The following SAMMSON variants were observed in gnomAD, a reference collection of about 807,000 sequenced individuals.
The protein encoded by SAMMSON is survival associated mitochondrial melanoma specific oncogenic non-coding RNA, also known as long intergenic non-protein coding RNA 1212.
intron 3 of SAMMSON, among the ~76,000 whole-genome samples, chr3:70,044,116 T>C (rs889630442): frequency 3.3e-5 from 5 of 151,982 alleles, no homozygotes; most frequent in African/African-American, 1.2e-4. Flanking sequence ...TTTTTTTAAA[T>C]GTGTTTTTTG....
intron 3 of SAMMSON, among the ~76,000 whole-genome samples, chr3:70,022,727 G>C (rs1411721776): frequency 1.3e-5 from 2 of 152,112 alleles, no homozygotes; most frequent in Non-Finnish European, 2.9e-5. Flanking sequence ...ATAATTCACT[G>C]ATTCTCATCA....
chr3:70,314,965 C>T (rs1702485372), intron 7 of SAMMSON, among the ~76,000 whole-genome samples: 2 of 152,062 alleles, frequency 1.3e-5, no homozygotes, highest in Admixed American at 1.3e-4. Context: ...TGCTTAAATC[C>T]TTGTCTGAAT....
intron 4 of SAMMSON, among the ~76,000 whole-genome samples, chr3:70,188,835 G>T (rs935893709): frequency 6.6e-6 from 1 of 152,172 alleles, no homozygotes; most frequent in Non-Finnish European, 1.5e-5. Context: ...CATTTGACTG[G>T]TAAATGGTGG....
At chr3:70,387,264 T>C (rs569908090) in intron 9 of SAMMSON, among the ~76,000 whole-genome samples, 18 of 152,164 alleles carry the variant, frequency 1.2e-4, no homozygotes, top group Non-Finnish European at 2.1e-4. Flanking sequence ...GCATACCATA[T>C]ATGGAAACCC....
chr3:70,189,965 T>C (rs1701119251), intron 4 of SAMMSON, among the ~76,000 whole-genome samples: 1 of 152,162 alleles, frequency 6.6e-6, no homozygotes. Context: ...AAGAATTGGA[T>C]TTGTTCCCCT....
intron 4 of SAMMSON, among the ~76,000 whole-genome samples, chr3:70,149,895 C>T (rs1421826571): frequency 6.6e-6 from 1 of 152,074 alleles, no homozygotes; most frequent in Non-Finnish European, 1.5e-5. Context: ...CCCAAACATA[C>T]ACTACTCTTC....
intron 4 of SAMMSON, among the ~76,000 whole-genome samples, chr3:70,230,369 A>G (rs1208561629): frequency 6.6e-6 from 1 of 152,220 alleles, no homozygotes; most frequent in African/African-American, 2.4e-5. Flanking sequence ...TCACCAGGAT[A>G]TCCTTTCATA....
At chr3:70,421,445 G>A (rs1252407700) in intron 2 of SAMMSON, among the ~76,000 whole-genome samples, 1 of 152,072 alleles carries the variant, frequency 6.6e-6, no homozygotes, top group South Asian at 2.1e-4. Flanking sequence ...GATCTTAGGA[G>A]GATTTCTTTC....
chr3:70,009,568 T>A (rs1483883815), intron 1 of SAMMSON, among the ~76,000 whole-genome samples: 1 of 152,216 alleles, frequency 6.6e-6, no homozygotes, highest in Non-Finnish European at 1.5e-5. Flanking sequence ...ATCAATTTTG[T>A]TGATCTTTTC....
At chr3:70,331,004 T>G (rs566435038) in intron 7 of SAMMSON, among the ~76,000 whole-genome samples, 5 of 152,296 alleles carry the variant, frequency 3.3e-5, no homozygotes, top group African/African-American at 1.2e-4. Flanking sequence ...TAATTTCACT[T>G]TATTTATGTT....
At chr3:70,322,912 A>G (rs1023076472) in intron 7 of SAMMSON, among the ~76,000 whole-genome samples, 1 of 152,280 alleles carries the variant, frequency 6.6e-6, no homozygotes, top group African/African-American at 2.4e-5. Context: ...ATCTAAGAAT[A>G]CACAGTTGTT....
At chr3:70,322,518 A>C (rs1702545165) in intron 7 of SAMMSON, among the ~76,000 whole-genome samples, 1 of 152,144 alleles carries the variant, frequency 6.6e-6, no homozygotes, top group African/African-American at 2.4e-5. Context: ...ATCCGCGAAA[A>C]GTACATTTTT....
intron 4 of SAMMSON, among the ~76,000 whole-genome samples, chr3:70,116,452 C>G (rs746501859): frequency 4.6e-5 from 7 of 151,782 alleles, no homozygotes; most frequent in Non-Finnish European, 1.0e-4. Context: ...AGGCAAGATT[C>G]CGCAATGCAA....
chr3:70,048,444 C>T (rs1335788667), intron 3 of SAMMSON, among the ~76,000 whole-genome samples: 1 of 151,984 alleles, frequency 6.6e-6, no homozygotes, highest in Non-Finnish European at 1.5e-5. Context: ...ATCCTTGGCA[C>T]ATAAGAATCA....
At chr3:70,281,347 T>A (rs1702080464) in intron 6 of SAMMSON, among the ~76,000 whole-genome samples, 1 of 152,186 alleles carries the variant, frequency 6.6e-6, no homozygotes, top group Non-Finnish European at 1.5e-5. Flanking sequence ...CTCTCTCAAC[T>A]TCATTATTTG....
intron 7 of SAMMSON, among the ~76,000 whole-genome samples, chr3:70,344,910 C>T (rs973767290): frequency 6.6e-6 from 1 of 152,114 alleles, no homozygotes; most frequent in African/African-American, 2.4e-5. Flanking sequence ...ATTCTGCTTC[C>T]TTTTATTAGT....
chr3:70,232,517 A>T (rs1701570335), intron 4 of SAMMSON, among the ~76,000 whole-genome samples: 2 of 151,558 alleles, frequency 1.3e-5, no homozygotes. Flanking sequence ...CTCCTGCCTC[A>T]GTCTCCTGAG....
At chr3:70,314,249 C>T (rs1702479762) in intron 7 of SAMMSON, among the ~76,000 whole-genome samples, 1 of 152,096 alleles carries the variant, frequency 6.6e-6, no homozygotes, top group Non-Finnish European at 1.5e-5. Context: ...AACATGATTG[C>T]CCACAAATTA....
intron 3 of SAMMSON, among the ~76,000 whole-genome samples, chr3:70,045,139 A>ATT (rs1210424903): frequency 7.7e-6 from 1 of 129,894 alleles, no homozygotes; most frequent in South Asian, 2.2e-4. Context: ...ATATATTATA[A>ATT]TTTATATATA....
Sources: allele counts gnomAD v4.1 joint callset (sites outside exome capture counted in the v4.1 genomes callset), GRCh38; gene constraint gnomAD v4.1.1; transcripts MANE v1.5; gene names NCBI Gene and HGNC (gene_info 2026-07-23, HGNC 2026-07-21).